The following TNKS variants were observed in gnomAD, a reference collection of about 807,000 sequenced individuals.
TNKS encodes poly [ADP-ribose] polymerase tankyrase-1.
In TNKS, 72 loss-of-function variants were observed where a neutral mutation model predicts 135.8. The ratio of observed to expected loss-of-function variants is 0.53; its 90% CI spans 0.44 to 0.64. The LOEUF (loss-of-function observed/expected upper bound fraction) is 0.64, where lower values mean the gene tolerates loss of function less well. TNKS is among the 30% of genes least tolerant of loss of function. The probability of loss-of-function intolerance (pLI) is 0.00; values close to 1 mark genes in which losing one functional copy is unlikely to be tolerated. For missense variants in TNKS, 1,769 were observed against 1,674.0 expected (o/e 1.06, Z -0.99); for synonymous variants, 849 against 649.3 (o/e 1.31, Z -4.68).
chr8:9,673,521 T>C lies in TNKS; in HGVS notation c.995-6430T>C, dbSNP rs575029799. Among the ~76,000 whole-genome samples, 5 of 147,852 alleles carry C rather than the reference T, an allele frequency of 3.4e-5. No homozygotes were observed. The East Asian group carries it at 8.5e-4, about 25-fold the overall frequency. ...GTGCAGTGGTGCGATCTCAGCTCAC[T>C]GCAACCTCTGCCTCCCAGGTTTAAG... On this transcript the variant is annotated intron_variant, in intron 3 of 26. Transcript: ENST00000310430.
intron 22 of TNKS, among the ~76,000 whole-genome samples, chr8:9,763,675 G>C (rs374495908): frequency 5.3e-5 from 8 of 152,140 alleles, no homozygotes; most frequent in East Asian, 1.9e-4. Flanking sequence ...ATGCTTCTGG[G>C]TCTGCCTCAT....
intron 1 of TNKS, among the ~76,000 whole-genome samples, chr8:9,568,914 C>T (rs1394134593): frequency 1.3e-5 from 2 of 152,176 alleles, no homozygotes; most frequent in Non-Finnish European, 2.9e-5. Context: ...GTGTTAGAAT[C>T]CATTGTTAGA....
intron 2 of TNKS, among the ~76,000 whole-genome samples, chr8:9,608,355 T>C (rs4282575): frequency 0.29 from 44,098 of 151,944 alleles, 6,714 homozygotes; most frequent in East Asian, 0.39. Flanking sequence ...TTGTAGATCC[T>C]GGCTCTCTGT....
intron 3 of TNKS, among the ~76,000 whole-genome samples, chr8:9,662,179 C>T (rs1292387375): frequency 1.3e-5 from 2 of 152,320 alleles, no homozygotes; most frequent in East Asian, 3.9e-4. Flanking sequence ...TTGTGGAAGT[C>T]AGTGTGGCGA....
chr8:9,606,198 A>G (rs1379402848), intron 2 of TNKS, among the ~76,000 whole-genome samples: 3 of 126,960 alleles, frequency 2.4e-5, no homozygotes, highest in Non-Finnish European at 3.4e-5. Context: ...TTGTTTCAGC[A>G]TGATTTGTTG....
At position 9,640,990 on chromosome 8, in the gene TNKS, G is replaced by T. The variant is rs190429994; in HGVS notation, c.994+25313G>T. ...GAACAAACATCTACCTCCTTAGCCCGTCTCCCTAAATCTCCCAACCAAAGC... is the reference window on the plus strand; with the variant it reads ...GAACAAACATCTACCTCCTTAGCCCTTCTCCCTAAATCTCCCAACCAAAGC... On this transcript the variant is annotated intron_variant, in intron 3 of 26. Coordinates refer to ENST00000310430, the MANE Select transcript of TNKS (RefSeq NM_003747.3). 2.1e-5 allele frequency among the ~76,000 whole-genome samples: 3 copies of T among 145,460 alleles called. 1 individual carries two copies. The East Asian group carries it at 6.4e-4, about 31-fold the overall frequency.
At chr8:9,704,109 C>T (rs1803942548) in intron 5 of TNKS, among the ~76,000 whole-genome samples, 1 of 152,160 alleles carries the variant, frequency 6.6e-6, no homozygotes, top group South Asian at 2.1e-4. Context: ...TAGTTTTGAC[C>T]ATTACTAGCC....
intron 3 of TNKS, among the ~76,000 whole-genome samples, chr8:9,637,783 A>T (rs541661813): frequency 6.6e-6 from 1 of 152,342 alleles, no homozygotes; most frequent in East Asian, 1.9e-4. Context: ...ATGATGCTTT[A>T]TAGGAGAGAA....
At chr8:9,567,101 G>T (rs1423487113) in intron 1 of TNKS, among the ~76,000 whole-genome samples, 1 of 152,184 alleles carries the variant, frequency 6.6e-6, no homozygotes, top group Admixed American at 6.5e-5. Context: ...GCTTTCTCAA[G>T]TTGGTTTTCT....
rs370349163 is a variant in TNKS at position 9,751,786 on chromosome 8, G to T, written c.3010G>T (p.Val1004Leu). ...CACTGGCCCTTTAGCAGAGTTGGCC[G>T]TAGGAGGAGCCTCCAATGCAGGGGA... The part of the protein sequence containing the change: ...NLTGPLAELA[V>L]GGASNAGDGA... Residue 1004 changes from valine to leucine, a missense_variant, in exon 19 of 27, where the codon GTA becomes TTA. Transcript: ENST00000310430. The T allele has an allele frequency of 2.5e-6, 4 of 1,614,190 alleles. No homozygotes were observed. Among genetic ancestry groups the T allele is most frequent in the Non-Finnish European group, 3.4e-6 (4 of 1,180,046 alleles).
intron 5 of TNKS, among the ~76,000 whole-genome samples, chr8:9,682,437 T>C (rs1802821721): frequency 6.6e-6 from 1 of 152,158 alleles, no homozygotes; most frequent in Non-Finnish European, 1.5e-5. Flanking sequence ...CCCTGCTTCA[T>C]CTCCTACACA....
intron 2 of TNKS, among the ~76,000 whole-genome samples, chr8:9,587,310 G>A (rs1429182011): frequency 3.3e-5 from 5 of 152,070 alleles, no homozygotes; most frequent in African/African-American, 1.2e-4. Flanking sequence ...ACTAAGGAAT[G>A]GGGGTAGCCC....
rs189534122 is a variant in TNKS, at chr8:9,583,521, G to C, written c.898+3138G>C. 7.3e-5 allele frequency among the ~76,000 whole-genome samples: 11 copies of C among 151,520 alleles called. No individual in the cohort carries two copies. In the East Asian group the frequency reaches 2.0e-3, roughly 27 times the overall value. The stretch of plus-strand genomic sequence containing the variant: ...TTTTCCTTTTTTGAGACAGAGTCTT[G>C]CTCTGTCACCAGGCTGGAGTGCGGT... On this transcript the variant is annotated intron_variant, in intron 2 of 26. Coordinates refer to ENST00000310430, the MANE Select transcript of TNKS (RefSeq NM_003747.3).
At position 9,709,968 on chromosome 8, in the gene TNKS, C is replaced by T; in HGVS notation, c.1592C>T (p.Ala531Val). Residue 531 changes from alanine to valine, a missense_variant, in exon 10 of 27, where the codon GCC becomes GTC. Coordinates refer to ENST00000310430, the MANE Select transcript of TNKS (RefSeq NM_003747.3). ...TTTACTTTATAGCACTGTGCTGTGG[C>T]CTCTCTGCATCCCAAACGTAAACAA... Reference protein sequence around the residue: ...SHETALHCAVASLHPKRKQVT... With the variant: ...SHETALHCAVVSLHPKRKQVT... 1.2e-6 allele frequency: 2 copies of T among 1,613,564 alleles called. No homozygotes were observed. The highest frequency in any genetic ancestry group is 1.7e-6 in the Non-Finnish European group (2 of 1,179,894).
At chr8:9,729,721 A>G (rs531055072) in intron 13 of TNKS, among the ~76,000 whole-genome samples, 4 of 151,198 alleles carry the variant, frequency 2.6e-5, no homozygotes, top group African/African-American at 9.7e-5. Flanking sequence ...TTTGTTATCT[A>G]TCAACTTCTT....
intron 3 of TNKS, among the ~76,000 whole-genome samples, chr8:9,671,632 C>A (rs578222860): frequency 6.6e-6 from 1 of 151,886 alleles, no homozygotes; most frequent in South Asian, 2.1e-4. Flanking sequence ...TCAGAGGGGC[C>A]TGACTTTTTG....
chr8:9,672,736 C>G (rs952809222), intron 3 of TNKS, among the ~76,000 whole-genome samples: 22 of 136,502 alleles, frequency 1.6e-4, no homozygotes, highest in African/African-American at 5.9e-4. Context: ...AAACTAATAT[C>G]CCACTTCCCC....
intron 2 of TNKS, among the ~76,000 whole-genome samples, chr8:9,584,311 G>A (rs1336850239): frequency 1.3e-5 from 2 of 152,094 alleles, no homozygotes; most frequent in African/African-American, 2.4e-5. Flanking sequence ...GCGGAAACTG[G>A]TAGTGTCAGA....
Position 9,583,125 on chromosome 8 carries a change from A to C in TNKS, c.898+2742A>C, listed in dbSNP as rs1311241996. Among the ~76,000 whole-genome samples the C allele has an allele frequency of 3.4e-5, 5 of 148,582 alleles. No individual in the cohort carries two copies. In the East Asian group the frequency reaches 1.0e-3, roughly 30 times the overall value. On this transcript the variant is annotated intron_variant, in intron 2 of 26. Transcript: ENST00000310430. ...GAGCTTGATGAGCTGAGATTGCACC[A>C]CTGCACTCCAGCCTGGGCGACAGAG...
Sources: gnomAD v4.1 joint callset for allele counts (sites outside exome capture counted in the v4.1 genomes callset) on GRCh38, gnomAD v4.1.1 for gene constraint, MANE v1.5 for transcripts, NCBI Gene and HGNC (gene_info 2026-07-23, HGNC 2026-07-21) for gene names.